Variants in VPS9D1 observed in about 807,000 individuals in gnomAD.
The protein encoded by VPS9D1 is VPS9 domain containing 1.
Under a neutral mutation model 75.8 loss-of-function variants are expected in VPS9D1, and 78 were observed. That is an observed-to-expected ratio of 1.03 (90% confidence interval 0.86 to 1.24). The LOEUF is 1.24. Ranked by LOEUF, VPS9D1 falls within the 50% of genes most tolerant of loss-of-function variation. The pLI is 0.00. For synonymous variants in VPS9D1, 481 were observed against 385.6 expected (o/e 1.25, Z -2.90); for missense variants, 1,057 against 847.7 (o/e 1.25, Z -3.07).
chr16:89,718,441 C>T (rs2061143764), intron 2 of VPS9D1, among the ~76,000 whole-genome samples: 2 of 152,192 alleles, frequency 1.3e-5, no homozygotes, highest in Admixed American at 6.5e-5. Flanking sequence ...AGGGCCTTTG[C>T]ACACCCCACA....
chr16:89,719,106 T>C lies in VPS9D1; in HGVS notation c.100-4A>G. The C allele has an allele frequency of 6.2e-7, 1 of 1,613,248 alleles. No homozygotes were observed. Among genetic ancestry groups the C allele is most frequent in the Non-Finnish European group, 8.5e-7 (1 of 1,179,616 alleles). ...TCAGGTATTCCGTGTATGCCTCCTG[T>C]GTCCAGGAAAGAGAAAGAGTGGGGT... On this transcript the variant is annotated splice_region_variant and splice_polypyrimidine_tract_variant and intron_variant, in intron 1 of 14. Coordinates refer to ENST00000389386, the MANE Select transcript of VPS9D1 (RefSeq NM_004913.3).
chr16:89,716,632 C>G lies in VPS9D1; in HGVS notation c.269-8G>C. On this transcript the variant is annotated splice_polypyrimidine_tract_variant and splice_region_variant and intron_variant, in intron 3 of 14. Coordinates refer to ENST00000389386, the MANE Select transcript of VPS9D1 (RefSeq NM_004913.3). ...GCTTCAGGCGTGTTTTCCCTGCAAG[C>G]CATGGGTAACCAGGGGTCAAGCGGT... 4 of 1,611,758 alleles carry G rather than the reference C, an allele frequency of 2.5e-6. No individual in the cohort carries two copies. The highest frequency in any genetic ancestry group is 1.3e-5 in the African/African-American group (1 of 74,990).
At position 89,712,680 on chromosome 16, in the gene VPS9D1, A is replaced by G; in HGVS notation, c.468T>C (p.Asn156=). ...LTPLEEASLQ[N]QKLKAAYEAR... is the part of the protein sequence containing the mutation. ...CCTCATACGCAGCCTTCAGCTTCTG[A>G]TTCTGCAGGGAGGCCTCCTCCAGTG... The change falls in exon 5 of 15, where the codon AAT becomes AAC. Residue 156 remains asparagine (N), a synonymous_variant. Coordinates refer to ENST00000389386, the MANE Select transcript of VPS9D1 (RefSeq NM_004913.3). 2 of 1,611,526 alleles carry G rather than the reference A, an allele frequency of 1.2e-6. No homozygotes were observed. Among genetic ancestry groups the G allele is most frequent in the Non-Finnish European group, 1.7e-6 (2 of 1,178,460 alleles).
At chr16:89,720,584 T>A (rs2061233122) in intron 1 of VPS9D1, 179 bp downstream of exon 1, 1 of 1,219,380 alleles carries the variant, frequency 8.2e-7, no homozygotes, top group Admixed American at 4.5e-5. Flanking sequence ...CTGTCCAAGG[T>A]CACTGCACGC....
chr16:89,709,193 C>A lies in VPS9D1; in HGVS notation c.1597+34G>T, dbSNP rs888489899. ...TCCAGGTCACCTACTGGGATGGGAG[C>A]CTGTCCCTCCCCCTGACTCTCGAAC... On this transcript the variant is annotated intron_variant, in intron 12 of 14. Transcript: ENST00000389386. The A allele has an allele frequency of 9.3e-6, 15 of 1,607,346 alleles. No individual in the cohort carries two copies. In the East Asian group the frequency reaches 3.3e-4, roughly 36 times the overall value.
Position 89,707,966 on chromosome 16 carries a change from G to A in VPS9D1, c.1803-12C>T. Reference sequence around the variant, plus strand: ...CTCCGATCAGGTACCTGCATGGATGGCAGGGGCAGCCGGTGTCATCTGAAC... The same window carrying A: ...CTCCGATCAGGTACCTGCATGGATGACAGGGGCAGCCGGTGTCATCTGAAC... On this transcript the variant is annotated splice_polypyrimidine_tract_variant and intron_variant, in intron 14 of 14. Transcript: ENST00000389386. 5 of 1,611,578 alleles carry A rather than the reference G, an allele frequency of 3.1e-6. No individual in the cohort carries two copies. Among genetic ancestry groups the A allele is most frequent in the Non-Finnish European group, 4.2e-6 (5 of 1,178,830 alleles).
intron 1 of VPS9D1, 107 bp from the exon 2 acceptor site, chr16:89,719,209 T>G: frequency 9.6e-7 from 1 of 1,045,400 alleles, no homozygotes; most frequent in Non-Finnish European, 1.5e-6. Context: ...CACCACCTGC[T>G]TATCTCTGAG....
Position 89,712,099 on chromosome 16 carries a change from G to A in VPS9D1, c.607C>T (p.Leu203Phe). The change falls in exon 7 of 15, where the codon CTC (leucine) becomes TTC (phenylalanine). Residue 203 changes from leucine (L) to phenylalanine (F), a missense_variant and splice_region_variant. By Grantham distance (22) the Leu-to-Phe change is conservative. Coordinates refer to ENST00000389386, the MANE Select transcript of VPS9D1 (RefSeq NM_004913.3). ...CGGCGCTCCTCCATCTTTCTCTGGA[G>A]CTGGGTGCAGAGTCAAGGGGCCGAG... ...LVIAKAREET[L>F]QRKMEERRLR... 1.3e-6 allele frequency: 2 copies of A among 1,548,346 alleles called. No homozygotes were observed. Among genetic ancestry groups the A allele is most frequent in the Non-Finnish European group, 1.7e-6 (2 of 1,146,806 alleles).
Position 89,709,309 on chromosome 16 carries a change from A to G in VPS9D1, c.1515T>C (p.Thr505=). The stretch of plus-strand genomic sequence containing the variant: ...GGGCCGCCGCGCAGTAGGGGTAGCC[A>G]GTGGCCCCCTTGGCCTCAGGGTTCT... ...LPQNPEAKGA[T]GYPYCAAAQE... is the part of the protein sequence containing the mutation. The change falls in exon 12 of 15, where the codon ACT becomes ACC. Residue 505 remains threonine, a synonymous_variant. Transcript: ENST00000389386. The G allele has an allele frequency of 1.2e-6, 2 of 1,606,680 alleles. No homozygotes were observed. The highest frequency in any genetic ancestry group is 1.3e-5 in the African/African-American group (1 of 74,894).
rs1374116020 is a variant in VPS9D1 at position 89,712,641 on chromosome 16, C to A, written c.507G>T (p.Arg169=). 1 of 1,611,346 alleles carries A rather than the reference C, an allele frequency of 6.2e-7. No homozygotes were observed. The change falls in exon 5 of 15, where the codon CGG becomes CGT. Residue 169 remains arginine (R), a synonymous_variant. Transcript: ENST00000389386. ...LKAAYEARMA[R]LDPSQAMQKT... ...TCTGCATGGCCTGGCTGGGGTCTAGCCGCGCCATTCGGGCCTCATACGCAG... is the reference window on the plus strand; with the variant it reads ...TCTGCATGGCCTGGCTGGGGTCTAGACGCGCCATTCGGGCCTCATACGCAG...
At chr16:89,719,581 G>C (rs570700775) in intron 1 of VPS9D1, among the ~76,000 whole-genome samples, 14 of 152,254 alleles carry the variant, frequency 9.2e-5, no homozygotes, top group African/African-American at 2.2e-4. Context: ...ATCACTTCCC[G>C]GTTTAAGTTC....
At chr16:89,711,037 C>T in intron 9 of VPS9D1, 27 bp from the exon 10 acceptor site, 1 of 1,432,286 alleles carries the variant, frequency 7.0e-7, no homozygotes, top group South Asian at 1.5e-5. Flanking sequence ...CGTGAGAACG[C>T]GGCCAGCCTC....
chr16:89,715,677 A>G (rs934506728), intron 4 of VPS9D1, among the ~76,000 whole-genome samples: 8 of 150,120 alleles, frequency 5.3e-5, no homozygotes, highest in African/African-American at 2.0e-4. Flanking sequence ...GCACACCACT[A>G]TGCCTAATTT....
rs554638058 is a variant in VPS9D1 at position 89,710,661 on chromosome 16, G to A, written c.1183C>T (p.Arg395Trp). The A allele has an allele frequency of 1.2e-5, 19 of 1,611,828 alleles. No homozygotes were observed. The highest frequency in any genetic ancestry group is 3.3e-5 in the Admixed American group (2 of 59,926). The change falls in exon 10 of 15, where the codon CGG becomes TGG. Residue 395 changes from arginine to tryptophan, a missense_variant. Coordinates refer to ENST00000389386, the MANE Select transcript of VPS9D1 (RefSeq NM_004913.3). Reference sequence around the variant, plus strand: ...GGCTCCGGCTGTACCCCACGGCCCCGGCCCTGCCGCTCAGACGTCCCCAGG... The same window carrying A: ...GGCTCCGGCTGTACCCCACGGCCCCAGCCCTGCCGCTCAGACGTCCCCAGG... ...QFLGTSERQG[R>W]GRGVQPEPQL...
rs200995938 is a variant in VPS9D1 at position 89,708,900 on chromosome 16, C to T, written c.1654G>A (p.Ala552Thr). Residue 552 changes from alanine (A) to threonine (T), a missense_variant, in exon 13 of 15, where the codon GCC becomes ACC. Transcript: ENST00000389386. The part of the protein sequence containing the change: ...CAEDYCPTPE[A>T]TPQAGPPPIA... ...GGCGGGGGCCCGGCCTGGGGTGTGG[C>T]CTCTGGGGTGGGGCAGTAGTCTTCC... The T allele has an allele frequency of 1.3e-6, 2 of 1,597,388 alleles. No homozygotes were observed. Among genetic ancestry groups the T allele is most frequent in the East Asian group, 2.2e-5 (1 of 44,664 alleles).
chr16:89,714,767 G>T (rs544867072), intron 4 of VPS9D1, among the ~76,000 whole-genome samples: 2 of 151,382 alleles, frequency 1.3e-5, no homozygotes, highest in African/African-American at 4.9e-5. Flanking sequence ...CCGGAGTCTC[G>T]CTCTGTTGCT....
chr16:89,709,514 A>G, intron 11 of VPS9D1, 79 bp from the exon 12 acceptor site: 1 of 1,426,190 alleles, frequency 7.0e-7, no homozygotes, highest in South Asian at 1.4e-5. Context: ...GCTGGAGCTC[A>G]GTCCTGGAGA....
In VPS9D1 at chr16:89,710,585, C is replaced by A; in HGVS notation, c.1258+1G>T. ...CTCTCCCAGGGAGGGCCTGGCCTCA[C>A]CTACGGCATTGTGGATCTCCTCCAC... On this transcript the variant is annotated splice_donor_variant, in intron 10 of 14. Coordinates refer to ENST00000389386, the MANE Select transcript of VPS9D1 (RefSeq NM_004913.3). LOFTEE classifies it high-confidence loss of function. The A allele has an allele frequency of 6.3e-7, 1 of 1,593,632 alleles. No homozygotes were observed. The highest frequency in any genetic ancestry group is 8.6e-7 in the Non-Finnish European group (1 of 1,165,080).
At chr16:89,720,681 G>T in intron 1 of VPS9D1, 82 bp downstream of exon 1, 2 of 1,285,302 alleles carry the variant, frequency 1.6e-6, no homozygotes, top group Non-Finnish European at 2.0e-6. Flanking sequence ...AGCCCGAGCC[G>T]GCCCCGTCCT....
Sources: allele counts gnomAD v4.1 joint callset (sites outside exome capture counted in the v4.1 genomes callset), GRCh38; gene constraint gnomAD v4.1.1; transcripts MANE v1.5; gene names NCBI Gene and HGNC (gene_info 2026-07-23, HGNC 2026-07-21).